Variants in TBC1D2 observed in about 807,000 individuals in gnomAD.
TBC1D2 encodes the protein TBC1 domain family member 2.
Under a neutral mutation model 91.1 loss-of-function variants are expected in TBC1D2, and 58 were observed. The ratio of observed to expected loss-of-function variants is 0.64; its 90% CI spans 0.52 to 0.79. The LOEUF (loss-of-function observed/expected upper bound fraction) is 0.79, where lower values mean the gene tolerates loss of function less well. Among genes scored for constraint, TBC1D2 ranks in the 30% least tolerant of loss-of-function variants. The pLI, the probability that TBC1D2 is intolerant of heterozygous loss-of-function variation, is 0.00. For missense variants in TBC1D2, 1,080 were observed against 1,208.3 expected, an observed-to-expected ratio of 0.89 and a Z score of 1.57; for synonymous variants, 482 against 511.5, an observed-to-expected ratio of 0.94 and a Z score of 0.78.
At chr9:98,212,982 C>G in intron 7 of TBC1D2, 126 bp downstream of exon 7, 2 of 1,029,770 alleles carry the variant, frequency 1.9e-6, no homozygotes, top group South Asian at 2.9e-5. Flanking sequence ...GGGCCCTGCT[C>G]ACAAGGGGTC....
intron 3 of TBC1D2, among the ~76,000 whole-genome samples, chr9:98,243,738 T>C (rs1412473852): frequency 6.6e-6 from 1 of 152,134 alleles, no homozygotes; most frequent in Non-Finnish European, 1.5e-5. Context: ...GGTTTCGCTA[T>C]GTTGGCCAGG....
At position 98,200,367 on chromosome 9, in the gene TBC1D2, A is replaced by G. The variant is rs1233600592; in HGVS notation, c.2465T>C (p.Phe822Ser). Residue 822 changes from phenylalanine (F) to serine (S), a missense_variant, in exon 12 of 13, where the codon TTT (phenylalanine) becomes TCT (serine). Transcript: ENST00000465784. ...AFLYEGTKVVFRYALAIFKYN... is the reference protein window; with the variant it reads ...AFLYEGTKVVSRYALAIFKYN... Reference sequence around the variant, plus strand: ...CTTGAAAATGGCCAAGGCATAGCGAAACACCACCTGGGGGTAGAGTGGGGG... The same window carrying G: ...CTTGAAAATGGCCAAGGCATAGCGAGACACCACCTGGGGGTAGAGTGGGGG... 6.8e-7 allele frequency: 1 copy of G among 1,472,568 alleles called. No homozygotes were observed. Among genetic ancestry groups the G allele is most frequent in the Admixed American group, 1.8e-5 (1 of 54,214 alleles). 91.2% of individuals were successfully genotyped at this position (1,472,568 alleles called of 1,614,324 possible).
At chr9:98,251,725 G>A in intron 2 of TBC1D2, 60 bp downstream of exon 2, 1 of 1,495,682 alleles carries the variant, frequency 6.7e-7, no homozygotes, top group South Asian at 1.4e-5. Flanking sequence ...CCAGCAGGAG[G>A]GTAAAGGCTT....
chr9:98,228,185 G>A lies in TBC1D2; in HGVS notation c.978+767C>T, dbSNP rs1430370582. Among the ~76,000 whole-genome samples the A allele has an allele frequency of 2.0e-5, 3 of 152,140 alleles. No individual in the cohort carries two copies. The highest frequency in any genetic ancestry group is 1.9e-4 in the East Asian group (1 of 5,188). On this transcript the variant is annotated intron_variant, in intron 5 of 12. Coordinates refer to ENST00000465784, the MANE Select transcript of TBC1D2 (RefSeq NM_001267571.2). The surrounding 1 kb of genome is among the most constrained non-coding windows in gnomAD (Gnocchi z 4.0). ...ACCACAGGTCCTACCAGGCCCCACC[G>A]TTGGGATTTATGTAACAACTGCCTA...
rs1005481760 is a variant in TBC1D2, at chr9:98,229,051, G to A, written c.879C>T (p.Phe293=). The A allele has an allele frequency of 3.1e-6, 5 of 1,614,146 alleles. No homozygotes were observed. Among genetic ancestry groups the A allele is most frequent in the Non-Finnish European group, 4.2e-6 (5 of 1,180,056 alleles). ...GGTTCCGTGTGATTCCTTCAGAAAA[G>A]AATGGGAAGGTGTTGTTCTGGCGCT... ...KAKRQNNTFP[F]FSEGITRNRT... The change falls in exon 5 of 13, where the codon TTC becomes TTT. Residue 293 remains phenylalanine, a synonymous_variant. Coordinates refer to ENST00000465784, the MANE Select transcript of TBC1D2 (RefSeq NM_001267571.2).
chr9:98,218,346 C>A (rs1192509984), intron 6 of TBC1D2, among the ~76,000 whole-genome samples: 1 of 151,994 alleles, frequency 6.6e-6, no homozygotes, highest in African/African-American at 2.4e-5. Flanking sequence ...GCAGGCAGAT[C>A]ACGCGGTCAG....
At chr9:98,245,392 C>A (rs1025909298) in intron 2 of TBC1D2, among the ~76,000 whole-genome samples, 1 of 152,002 alleles carries the variant, frequency 6.6e-6, no homozygotes, top group Non-Finnish European at 1.5e-5. Context: ...CATGGCAAAA[C>A]CCCATCTCTA....
chr9:98,219,645 C>G (rs1275855932), intron 6 of TBC1D2, among the ~76,000 whole-genome samples: 1 of 152,180 alleles, frequency 6.6e-6, no homozygotes. Flanking sequence ...GTACTGAATA[C>G]CATAGGTGGC....
rs200531970 is a variant in TBC1D2, at chr9:98,209,111, G to C, written c.1707C>G (p.Pro569=). ...KYDEYGFLTV[P]DYEVEDLKLL... ...GCTTCAGGTCTTCCACCTCATAGTCGGGCACCGTCAGGAAGCCGTACTCAT... is the reference window on the plus strand; with the variant it reads ...GCTTCAGGTCTTCCACCTCATAGTCCGGCACCGTCAGGAAGCCGTACTCAT... The change falls in exon 9 of 13, where the codon CCC becomes CCG. Residue 569 remains proline (P), a synonymous_variant. Coordinates refer to ENST00000465784, the MANE Select transcript of TBC1D2 (RefSeq NM_001267571.2). 1 of 1,613,826 alleles carries C rather than the reference G, an allele frequency of 6.2e-7. No individual in the cohort carries two copies. Among genetic ancestry groups the C allele is most frequent in the African/African-American group, 1.3e-5 (1 of 74,874 alleles).
At chr9:98,207,061 C>T (rs1414130976) in intron 9 of TBC1D2, among the ~76,000 whole-genome samples, 3 of 152,168 alleles carry the variant, frequency 2.0e-5, no homozygotes, top group African/African-American at 7.2e-5. Context: ...TGACCTGTGG[C>T]AGACGTTTAG....
intron 2 of TBC1D2, among the ~76,000 whole-genome samples, chr9:98,249,582 G>C (rs1234833852): frequency 6.6e-6 from 1 of 152,204 alleles, no homozygotes; most frequent in African/African-American, 2.4e-5. Context: ...AGGGTTGTCT[G>C]GCTCCCTGGC....
intron 2 of TBC1D2, among the ~76,000 whole-genome samples, chr9:98,244,559 T>C (rs1299981670): frequency 6.8e-6 from 1 of 147,920 alleles, no homozygotes; most frequent in Non-Finnish European, 1.5e-5. Flanking sequence ...CTCAGGAGGC[T>C]GAGGCAGGAG....
rs771183507 is a variant in TBC1D2 at position 98,199,381 on chromosome 9, T to C, written c.2787A>G (p.Ter929TrpextTer96). ...ASEDEVEGEA* is the reference protein window; with the variant it reads ...ASEDEVEGEAW ...GCTGTGGGGAGGGGAGGTGGCCAAG[T>C]CAGGCTTCCCCCTCCACCTCGTCCT... The change falls in exon 13 of 13, where the codon TGA becomes TGG. Residue 929 changes from the stop codon to tryptophan (W), a stop_lost. Coordinates refer to ENST00000465784, the MANE Select transcript of TBC1D2 (RefSeq NM_001267571.2). 1 of 1,612,550 alleles carries C rather than the reference T, an allele frequency of 6.2e-7. No homozygotes were observed. The highest frequency in any genetic ancestry group is 1.3e-5 in the African/African-American group (1 of 74,980).
Position 98,199,241 on chromosome 9 carries a change from G to T in TBC1D2, c.*140C>A. 1 of 909,888 alleles carries T rather than the reference G, an allele frequency of 1.1e-6. No individual in the cohort carries two copies. 56.4% of individuals were successfully genotyped at this position (909,888 alleles called of 1,614,324 possible). Reference sequence around the variant, plus strand: ...CACACAATGTCCCAGTGGGGAAACTGAGGGCCAGAGAGGGGAAGGGACATG... The same window carrying T: ...CACACAATGTCCCAGTGGGGAAACTTAGGGCCAGAGAGGGGAAGGGACATG... On this transcript the variant is annotated 3_prime_UTR_variant, in exon 13 of 13. Transcript: ENST00000465784.
In TBC1D2 at chr9:98,234,274, A is replaced by C. The variant is rs140871247; in HGVS notation, c.648-725T>G. Among the ~76,000 whole-genome samples the C allele has an allele frequency of 2.6e-5, 4 of 152,364 alleles. No homozygotes were observed. In the South Asian group the frequency reaches 8.3e-4, roughly 32 times the overall value. On this transcript the variant is annotated intron_variant, in intron 3 of 12. Coordinates refer to ENST00000465784, the MANE Select transcript of TBC1D2 (RefSeq NM_001267571.2). Reference sequence around the variant, plus strand: ...TGCCCAACACTGGGTTGTACATGCCAGAGACCGGGCTCAATACATGTTTGG... The same window carrying C: ...TGCCCAACACTGGGTTGTACATGCCCGAGACCGGGCTCAATACATGTTTGG...
At chr9:98,207,289 A>G (rs1305596998) in intron 9 of TBC1D2, among the ~76,000 whole-genome samples, 2 of 152,234 alleles carry the variant, frequency 1.3e-5, no homozygotes, top group Admixed American at 1.3e-4. Flanking sequence ...AATGTCACAC[A>G]CCACCTATTC....
intron 6 of TBC1D2, among the ~76,000 whole-genome samples, chr9:98,217,292 C>A (rs980996100): frequency 6.6e-6 from 1 of 152,212 alleles, no homozygotes; most frequent in African/African-American, 2.4e-5. Context: ...GAAGGGGGAC[C>A]AGGGAAGCAG....
chr9:98,234,060 T>C (rs1223395150), intron 3 of TBC1D2, among the ~76,000 whole-genome samples: 1 of 152,148 alleles, frequency 6.6e-6, no homozygotes, highest in Non-Finnish European at 1.5e-5. Flanking sequence ...CTGGCATCTT[T>C]CCCTGCTTGC....
chr9:98,210,463 T>C (rs150977742), intron 8 of TBC1D2, among the ~76,000 whole-genome samples, 193 bp downstream of exon 8: 2 of 152,108 alleles, frequency 1.3e-5, no homozygotes, highest in Non-Finnish European at 2.9e-5. Context: ...AAATGTACTA[T>C]AGGGCCATGG....
Sources: gnomAD v4.1 joint callset for allele counts (sites outside exome capture counted in the v4.1 genomes callset) on GRCh38, gnomAD v4.1.1 for gene constraint, Gnocchi (gnomAD v3.1) non-coding constraint, MANE v1.5 for transcripts, NCBI Gene and HGNC (gene_info 2026-07-23, HGNC 2026-07-21) for gene names.